The following EYS variants were observed in gnomAD, a reference collection of about 807,000 sequenced individuals.
EYS encodes the protein protein eyes shut homolog.
A neutral mutation model predicts 282.1 loss-of-function variants in EYS; 250 were observed. The ratio of observed to expected loss-of-function variants is 0.89; its 90% CI spans 0.80 to 0.98. The LOEUF (loss-of-function observed/expected upper bound fraction) is 0.98. EYS is among the 50% of genes least tolerant of loss of function. The pLI, the probability that EYS is intolerant of heterozygous loss-of-function variation, is 0.00. For missense variants in EYS, 4,016 were observed against 3,709.0 expected, an observed-to-expected ratio of 1.08 and a Z score of -2.15; for synonymous variants, 1,355 against 1,282.9, an observed-to-expected ratio of 1.06 and a Z score of -1.20.
At chr6:64,298,001 T>TAAAAAAAAAAAAAAAAAAAAAAAAA (rs1769097836) in intron 30 of EYS, among the ~76,000 whole-genome samples, 2 of 134,036 alleles carry the variant, frequency 1.5e-5, no homozygotes, top group African/African-American at 6.0e-5. Context: ...AAAAAAAAAT[T>TAAAAAAAAAAAAAAAAAAAAAAAAA]AGGTAGAAAT....
intron 29 of EYS, among the ~76,000 whole-genome samples, chr6:64,317,655 T>A (rs1216951152): frequency 6.6e-6 from 1 of 152,148 alleles, no homozygotes; most frequent in Non-Finnish European, 1.5e-5. Flanking sequence ...GATATACCAT[T>A]TGACCCAGCA....
intron 13 of EYS, among the ~76,000 whole-genome samples, chr6:65,022,343 C>A (rs145618627): frequency 1.3e-3 from 191 of 152,278 alleles, no homozygotes; most frequent in African/African-American, 4.3e-3. Flanking sequence ...AAAAAGAAAG[C>A]TTCAGAAGGC....
chr6:65,493,448 T>G (rs1463380914), intron 4 of EYS, among the ~76,000 whole-genome samples: 1 of 152,198 alleles, frequency 6.6e-6, no homozygotes, highest in East Asian at 1.9e-4. Context: ...GTCAAATATT[T>G]CTCTTTGTTA....
intron 30 of EYS, among the ~76,000 whole-genome samples, chr6:64,262,036 G>T (rs2180039): frequency 0.68 from 103,767 of 151,834 alleles, 35,483 homozygotes; most frequent in South Asian, 0.71. Flanking sequence ...ATTACAGGCA[G>T]GAGCCACTGT....
intron 31 of EYS, among the ~76,000 whole-genome samples, chr6:64,090,883 T>G (rs576871410): frequency 6.6e-6 from 1 of 152,286 alleles, no homozygotes; most frequent in Non-Finnish European, 1.5e-5. Context: ...TAACTTGTCT[T>G]CATTCCTTTC....
chr6:65,620,283 G>A (rs1460548188), intron 2 of EYS, among the ~76,000 whole-genome samples: 3 of 152,132 alleles, frequency 2.0e-5, no homozygotes, highest in Admixed American at 1.3e-4. Context: ...TTAGTCTTGG[G>A]AGGGTGTATG....
At chr6:65,181,226 GAGCTTCTGCAC>G (rs1765374540) in intron 12 of EYS, among the ~76,000 whole-genome samples, 1 of 152,094 alleles carries the variant, frequency 6.6e-6, no homozygotes, top group African/African-American at 2.4e-5. Flanking sequence ...TTAAACTAAG[GAGCTTCTGCAC>G]AGCAAAAGAA....
At chr6:64,689,821 T>A (rs1027044878) in intron 22 of EYS, among the ~76,000 whole-genome samples, 11 of 152,012 alleles carry the variant, frequency 7.2e-5, no homozygotes, top group African/African-American at 2.4e-4. Context: ...TATGCAAAAA[T>A]CAATTCAAGA....
intron 12 of EYS, among the ~76,000 whole-genome samples, chr6:65,250,295 A>G (rs1767288299): frequency 6.6e-6 from 1 of 152,014 alleles, no homozygotes; most frequent in East Asian, 1.9e-4. Context: ...ATTCTTTCAT[A>G]GTCTATACAT....
rs888105903 is a variant in EYS, at chr6:65,014,068, C to T, written c.2138-16365G>A. On this transcript the variant is annotated intron_variant, in intron 13 of 42. Coordinates refer to ENST00000503581, the MANE Select transcript of EYS (RefSeq NM_001142800.2). ...AAGTCAGAGGCATTATCCTACTTGC[C>T]TCAAAGAAGCAAATGAAAGCTGTGT... 5.9e-5 allele frequency among the ~76,000 whole-genome samples: 9 copies of T among 152,250 alleles called. No individual in the cohort carries two copies. The South Asian group carries it at 1.9e-3, about 32-fold the overall frequency.
At chr6:65,455,630 C>T (rs779772101) in intron 5 of EYS, among the ~76,000 whole-genome samples, 2 of 151,904 alleles carry the variant, frequency 1.3e-5, no homozygotes, top group African/African-American at 2.4e-5. Flanking sequence ...CAACTATATG[C>T]CAACAAATTA....
chr6:64,845,028 C>T (rs9453088), intron 19 of EYS, among the ~76,000 whole-genome samples: 3,466 of 152,198 alleles, frequency 0.023, 123 homozygotes, highest in African/African-American at 0.077. Context: ...GTGGCTCACA[C>T]CTATAATCCC....
chr6:64,760,670 T>C (rs1773128138), intron 22 of EYS, among the ~76,000 whole-genome samples: 1 of 152,196 alleles, frequency 6.6e-6, no homozygotes. Context: ...AGGACAGTCC[T>C]GAATATTCAT....
chr6:64,105,543 C>T (rs920315991), intron 31 of EYS, among the ~76,000 whole-genome samples: 1 of 152,100 alleles, frequency 6.6e-6, no homozygotes, highest in Admixed American at 6.6e-5. Context: ...ATTGTAATAT[C>T]ATATAGAATA....
intron 15 of EYS, among the ~76,000 whole-genome samples, chr6:64,924,529 T>G (rs1480785231): frequency 1.3e-5 from 2 of 151,958 alleles, no homozygotes; most frequent in East Asian, 3.9e-4. Context: ...AGAAAAAGGG[T>G]TTTTTCTTTT....
intron 5 of EYS, among the ~76,000 whole-genome samples, chr6:65,455,162 C>A (rs1764553828): frequency 1.3e-5 from 2 of 152,004 alleles, no homozygotes; most frequent in African/African-American, 4.8e-5. Context: ...TATTTCTGTC[C>A]TCTTTGATTT....
At chr6:65,310,420 T>C (rs1409814284) in intron 11 of EYS, among the ~76,000 whole-genome samples, 1 of 152,012 alleles carries the variant, frequency 6.6e-6, no homozygotes, top group Non-Finnish European at 1.5e-5. Context: ...AAGATGACCC[T>C]CAATGATCCT....
At chr6:65,394,013 C>G in intron 7 of EYS, among the ~76,000 whole-genome samples, 1 of 152,048 alleles carries the variant, frequency 6.6e-6, no homozygotes, top group Non-Finnish European at 1.5e-5. Flanking sequence ...TAGTCAGTGG[C>G]ATATTTTACA....
Position 65,291,163 on chromosome 6 carries a change from T to C in EYS, c.2023+4700A>G, listed in dbSNP as rs564245886. Among the ~76,000 whole-genome samples the C allele has an allele frequency of 2.6e-5, 4 of 151,680 alleles. No individual in the cohort carries two copies. In the East Asian group the frequency reaches 7.8e-4, roughly 29 times the overall value. ...GTAAGATACACTTCTCAGGAAAACA[T>C]GGTTAAAGAGCCTGTAAAAATTTCA... On this transcript the variant is annotated intron_variant, in intron 12 of 42. Transcript: ENST00000503581.
Sources: gnomAD v4.1 joint callset for allele counts (sites outside exome capture counted in the v4.1 genomes callset) on GRCh38, gnomAD v4.1.1 for gene constraint, MANE v1.5 for transcripts, NCBI Gene and HGNC (gene_info 2026-07-23, HGNC 2026-07-21) for gene names.